The following SH2B3 variants were observed in gnomAD, a reference collection of about 807,000 sequenced individuals.
The protein encoded by SH2B3 is SH2B adapter protein 3.
A neutral mutation model predicts 51.9 loss-of-function variants in SH2B3; 43 were observed. The ratio of observed to expected loss-of-function variants is 0.83; its 90% CI spans 0.65 to 1.07. The LOEUF is 1.07. Ranked by LOEUF, SH2B3 falls within the 50% of genes least tolerant of loss-of-function variation. The pLI is 0.00. For synonymous variants in SH2B3, 396 were observed against 376.0 expected, an observed-to-expected ratio of 1.05 and a Z score of -0.62; for missense variants, 952 against 834.3, an observed-to-expected ratio of 1.14 and a Z score of -1.74.
At chr12:111,442,164 G>T (rs1442480198) in intron 2 of SH2B3, among the ~76,000 whole-genome samples, 1 of 152,180 alleles carries the variant, frequency 6.6e-6, no homozygotes, top group Non-Finnish European at 1.5e-5. Flanking sequence ...CTGGGCTGGG[G>T]TGAGGGATCA....
At position 111,435,192 on chromosome 12, in the gene SH2B3, G is replaced by A. The variant is rs776768233; in HGVS notation, c.733-11561G>A. On this transcript the variant is annotated intron_variant, in intron 2 of 7. Coordinates refer to ENST00000341259, the MANE Select transcript of SH2B3 (RefSeq NM_005475.3). The surrounding 1 kb of genome is among the most constrained non-coding windows in gnomAD (Gnocchi z 4.8). The stretch of plus-strand genomic sequence containing the variant: ...CCCGGTGCAGAGCAGATGCTTGGCC[G>A]GGGCTTCCCCGAGCTGGTCCTGGCT... Among the ~76,000 whole-genome samples the A allele has an allele frequency of 6.6e-6, 1 of 152,162 alleles. No individual in the cohort carries two copies. The highest frequency in any genetic ancestry group is 1.5e-5 in the Non-Finnish European group (1 of 68,022).
chr12:111,444,333 C>A (rs1372934785), intron 2 of SH2B3: 2 of 152,194 alleles, frequency 1.3e-5, no homozygotes, highest in Non-Finnish European at 2.9e-5. Context: ...CTTTGAGATT[C>A]CTAGCAGCCA....
intron 2 of SH2B3, among the ~76,000 whole-genome samples, chr12:111,441,126 A>T (rs1873368827): frequency 6.6e-6 from 1 of 151,828 alleles, no homozygotes; most frequent in African/African-American, 2.4e-5. Context: ...ACACGTGGAG[A>T]CTCATTTTGG....
At chr12:111,405,881 G>T (rs1332801618), upstream of SH2B3, 1 of 151,944 alleles carries the variant, frequency 6.6e-6, no homozygotes, top group Admixed American at 6.6e-5. The surrounding 1 kb of genome is among the most constrained non-coding windows in gnomAD (Gnocchi z 5.4). Flanking sequence ...GTCGCGGCCG[G>T]CCTCCCCCGC....
chr12:111,441,145 G>A (rs925798589), intron 2 of SH2B3, among the ~76,000 whole-genome samples: 1 of 150,164 alleles, frequency 6.7e-6, no homozygotes, highest in African/African-American at 2.5e-5. Context: ...GGGAGGCCGA[G>A]GCAGAAGGAT....
chr12:111,409,331 A>G lies in SH2B3; in HGVS notation c.-28+3054A>G, dbSNP rs1211131676. On this transcript the variant is annotated intron_variant, in intron 1 of 7. Transcript: ENST00000341259. This position sits in a 1 kb window ranked among gnomAD's most constrained non-coding sequence, Gnocchi z 4.0. ...AGGCATGCACAGTGCCCGGCATGCA[A>G]TTGGCACTCAATAAGTGCAAGCCAT... 1.3e-5 allele frequency among the ~76,000 whole-genome samples: 2 copies of G among 152,200 alleles called. No homozygotes were observed. Among genetic ancestry groups the G allele is most frequent in the African/African-American group, 2.4e-5 (1 of 41,456 alleles).
chr12:111,421,000 C>T (rs753009468), intron 2 of SH2B3, among the ~76,000 whole-genome samples: 1 of 152,180 alleles, frequency 6.6e-6, no homozygotes, highest in African/African-American at 2.4e-5. Flanking sequence ...CGCAAGTGAC[C>T]AGCACCCCAG....
Position 111,450,567 on chromosome 12 carries a change from C to G in SH2B3, c.*2265C>G, listed in dbSNP as rs915067576. ...CATGCCAGGGGCACTCATTTCTTAG[C>G]AGCCTCTCTACATACATCTCTCAGG... On this transcript the variant is annotated 3_prime_UTR_variant, in exon 8 of 8. Transcript: ENST00000341259. The G allele has an allele frequency of 6.6e-6, 1 of 152,244 alleles. No individual in the cohort carries two copies. Among genetic ancestry groups the G allele is most frequent in the African/African-American group, 2.4e-5 (1 of 41,444 alleles). 9.4% of individuals were successfully genotyped at this position (152,244 alleles called of 1,614,324 possible). A position where few individuals can be genotyped will look rare whatever the true frequency, so the allele number is the denominator to read the frequency against.
In SH2B3 at chr12:111,451,335, G is replaced by T. The variant is rs1274411685; in HGVS notation, c.*3033G>T. 6 of 152,580 alleles carry T rather than the reference G, an allele frequency of 3.9e-5. No individual in the cohort carries two copies. Among genetic ancestry groups the T allele is most frequent in the Non-Finnish European group, 2.9e-5 (2 of 68,024 alleles). The allele number at this position is 152,580 out of a possible 1,614,324, so 9.5% of individuals were successfully genotyped here. A position where few individuals can be genotyped will look rare whatever the true frequency, so the allele number is the denominator to read the frequency against. On this transcript the variant is annotated 3_prime_UTR_variant, in exon 8 of 8. Coordinates refer to ENST00000341259, the MANE Select transcript of SH2B3 (RefSeq NM_005475.3). ...AGATTCCTTCATGCTTTCTATTCAG[G>T]ACTAAGTCCCTTACTGCAAATGTGT... is the stretch of plus-strand genomic sequence containing the variant.
In SH2B3 at chr12:111,448,061, T is replaced by C. The variant is rs763701790; in HGVS notation, c.1487T>C (p.Leu496Ser). The change falls in exon 8 of 8, where the codon TTG becomes TCG. Residue 496 changes from leucine to serine, a missense_variant. Leu to Ser is a moderately radical substitution (Grantham distance 145). Transcript: ENST00000341259. ...SESLPHWGSE[L>S]GLPHLSSSGC... ...TCCCTTCCTCACTGGGGTTCAGAGT[T>C]GGGCCTTCCCCACCTTAGTTCTTCT... The C allele has an allele frequency of 1.2e-6, 2 of 1,614,062 alleles. No homozygotes were observed. Among genetic ancestry groups the C allele is most frequent in the Non-Finnish European group, 1.7e-6 (2 of 1,179,950 alleles).
chr12:111,444,036 A>G (rs1487457345), intron 2 of SH2B3: 2 of 152,142 alleles, frequency 1.3e-5, no homozygotes, highest in East Asian at 3.9e-4. Context: ...CTCTACTAAA[A>G]ATACAAAAAT....
intron 2 of SH2B3, chr12:111,434,789 T>A (rs1318244322): frequency 2.7e-6 from 4 of 1,482,992 alleles, no homozygotes; most frequent in Non-Finnish European, 3.6e-6. Flanking sequence ...TCCTGTTGTT[T>A]TGTGATGTCA....
In SH2B3 at chr12:111,418,069, C is replaced by T; in HGVS notation, c.-27-50C>T. 7.2e-7 allele frequency: 1 copy of T among 1,396,478 alleles called. No individual in the cohort carries two copies. Among genetic ancestry groups the T allele is most frequent in the East Asian group, 2.6e-5 (1 of 38,482 alleles). 86.5% of individuals were successfully genotyped at this position (1,396,478 alleles called of 1,614,324 possible). A position where few individuals can be genotyped will look rare whatever the true frequency, so the allele number is the denominator to read the frequency against. On this transcript the variant is annotated intron_variant, in intron 1 of 7. Coordinates refer to ENST00000341259, the MANE Select transcript of SH2B3 (RefSeq NM_005475.3). The surrounding 1 kb of genome is among the most constrained non-coding windows in gnomAD (Gnocchi z 6.7). Reference sequence around the variant, plus strand: ...CGGTGTGTAATGGGGCCTACACCTGCTTGCCCACCTGCTTACTCCTTGTCG... The same window carrying T: ...CGGTGTGTAATGGGGCCTACACCTGTTTGCCCACCTGCTTACTCCTTGTCG...
At chr12:111,447,244 T>C in intron 5 of SH2B3, 25 bp downstream of exon 5, 1 of 1,598,804 alleles carries the variant, frequency 6.3e-7, no homozygotes, top group Non-Finnish European at 8.6e-7. Flanking sequence ...AGCTAGGCCA[T>C]TGTCTTCTGG....
At chr12:111,426,114 G>A (rs1198258110) in intron 2 of SH2B3, among the ~76,000 whole-genome samples, 1 of 152,184 alleles carries the variant, frequency 6.6e-6, no homozygotes, top group African/African-American at 2.4e-5. Context: ...AGACGGAGGC[G>A]GGGTCCCAGC....
rs1870291550 is a variant in SH2B3 at position 111,406,885 on chromosome 12, G to T, written c.-28+608G>T. On this transcript the variant is annotated intron_variant, in intron 1 of 7. Transcript: ENST00000341259. The surrounding 1 kb of genome is among the most constrained non-coding windows in gnomAD (Gnocchi z 5.7). Reference sequence around the variant, plus strand: ...ACCAGGGCTAGGCGTCCCAGAGACAGGTTTCTGGTATTGATCCTCTCACAC... The same window carrying T: ...ACCAGGGCTAGGCGTCCCAGAGACATGTTTCTGGTATTGATCCTCTCACAC... 6.6e-6 allele frequency among the ~76,000 whole-genome samples: 1 copy of T among 152,190 alleles called. No homozygotes were observed. The highest frequency in any genetic ancestry group is 6.5e-5 in the Admixed American group (1 of 15,276).
At chr12:111,431,102 T>C (rs924979993) in intron 2 of SH2B3, among the ~76,000 whole-genome samples, 8 of 152,302 alleles carry the variant, frequency 5.3e-5, no homozygotes, top group African/African-American at 1.9e-4. Flanking sequence ...ACCCCCTTTT[T>C]CCTATCTCCC....
rs1334709462 is a variant in SH2B3 at position 111,418,058 on chromosome 12, G to A, written c.-27-61G>A. The A allele has an allele frequency of 3.9e-6, 5 of 1,284,192 alleles. No homozygotes were observed. In the African/African-American group the frequency reaches 7.8e-5, roughly 20 times the overall value. The allele number at this position is 1,284,192 out of a possible 1,614,324, so 79.5% of individuals were successfully genotyped here. ...GCTGTGGTGCCCGGTGTGTAATGGG[G>A]CCTACACCTGCTTGCCCACCTGCTT... is the stretch of plus-strand genomic sequence containing the variant. On this transcript the variant is annotated intron_variant, in intron 1 of 7. Coordinates refer to ENST00000341259, the MANE Select transcript of SH2B3 (RefSeq NM_005475.3). The surrounding 1 kb of genome is among the most constrained non-coding windows in gnomAD (Gnocchi z 6.7).
chr12:111,446,890 CAAAT>C, intron 3 of SH2B3, 36 bp downstream of exon 3: 1 of 1,602,286 alleles, frequency 6.2e-7, no homozygotes, highest in Non-Finnish European at 8.6e-7. Context: ...TGGGGCAATA[CAAAT>C]ACATACACAT....
Sources: gnomAD v4.1 joint callset for allele counts (sites outside exome capture counted in the v4.1 genomes callset) on GRCh38, gnomAD v4.1.1 for gene constraint, Gnocchi (gnomAD v3.1) non-coding constraint, MANE v1.5 for transcripts, NCBI Gene and HGNC (gene_info 2026-07-23, HGNC 2026-07-21) for gene names.